PPP3R1: variants seen among roughly 807,000 people sequenced by gnomAD.
The protein encoded by PPP3R1 is calcineurin subunit B type 1.
In PPP3R1, 5 loss-of-function variants were observed where a neutral mutation model predicts 22.6. The observed-to-expected ratio is 0.22, with a 90% CI of 0.12 to 0.46. PPP3R1 has a LOEUF of 0.46. Among genes scored for constraint, PPP3R1 ranks in the 20% least tolerant of loss-of-function variants. The pLI, the probability that PPP3R1 is intolerant of heterozygous loss-of-function variation, is 0.99. For missense variants in PPP3R1, 61 were observed against 203.2 expected (o/e 0.30, Z 4.25); for synonymous variants, 56 against 65.2 (o/e 0.86, Z 0.68).
At chr2:68,227,961 T>C (rs1669819276) in intron 1 of PPP3R1, among the ~76,000 whole-genome samples, 1 of 152,186 alleles carries the variant, frequency 6.6e-6, no homozygotes, top group Non-Finnish European at 1.5e-5. Context: ...TTTATATTCT[T>C]TTCCTGCATT....
intron 5 of PPP3R1, among the ~76,000 whole-genome samples, chr2:68,184,579 G>A (rs1174125616): frequency 6.6e-6 from 1 of 152,060 alleles, no homozygotes; most frequent in East Asian, 1.9e-4. Context: ...TAAGTACTCT[G>A]AAAATTTTAA....
intron 5 of PPP3R1, among the ~76,000 whole-genome samples, chr2:68,182,808 T>C (rs1674442563): frequency 6.6e-6 from 1 of 152,102 alleles, no homozygotes; most frequent in Non-Finnish European, 1.5e-5. Context: ...TTATGATTAC[T>C]TTTTCTTTCC....
intron 1 of PPP3R1, among the ~76,000 whole-genome samples, chr2:68,229,872 G>GTA (rs1380847926): frequency 6.6e-6 from 1 of 151,748 alleles, no homozygotes; most frequent in African/African-American, 2.4e-5. Context: ...GTGTGTGTGT[G>GTA]TGTATGTATG....
At chr2:68,202,202 T>C (rs1674992748) in intron 2 of PPP3R1, among the ~76,000 whole-genome samples, 1 of 152,220 alleles carries the variant, frequency 6.6e-6, no homozygotes, top group Non-Finnish European at 1.5e-5. Context: ...AAGTTTTATT[T>C]TTGTTACGCA....
chr2:68,199,778 T>C (rs762036320), intron 2 of PPP3R1, among the ~76,000 whole-genome samples: 18 of 152,226 alleles, frequency 1.2e-4, no homozygotes, highest in Non-Finnish European at 2.2e-4. Context: ...GCATTACTGG[T>C]ATAAAAATCC....
intron 2 of PPP3R1, among the ~76,000 whole-genome samples, chr2:68,191,844 TAAAC>T (rs1342860979): frequency 6.6e-6 from 1 of 152,194 alleles, no homozygotes; most frequent in Non-Finnish European, 1.5e-5. Flanking sequence ...ACTGTTCAAA[TAAAC>T]CTTATTTCCC....
intron 1 of PPP3R1, among the ~76,000 whole-genome samples, chr2:68,251,686 A>G (rs893541748): frequency 3.3e-5 from 5 of 152,150 alleles, no homozygotes; most frequent in Non-Finnish European, 7.4e-5. Context: ...TTTGCCACAT[A>G]TTGTTATTTC....
chr2:68,213,667 C>A (rs1669524853), intron 2 of PPP3R1, among the ~76,000 whole-genome samples: 1 of 152,110 alleles, frequency 6.6e-6, no homozygotes, highest in African/African-American at 2.4e-5. Context: ...ATAGGGTTAC[C>A]ACAAACCTTC....
intron 2 of PPP3R1, among the ~76,000 whole-genome samples, chr2:68,209,349 A>C (rs1669418972): frequency 1.1e-5 from 1 of 90,780 alleles, no homozygotes; most frequent in African/African-American, 4.8e-5. Flanking sequence ...ACAGAGCGAG[A>C]CTCTGTCTCA....
chr2:68,181,775 C>T (rs192972466), intron 5 of PPP3R1, among the ~76,000 whole-genome samples: 46 of 152,070 alleles, frequency 3.0e-4, no homozygotes, highest in Admixed American at 6.5e-4. Flanking sequence ...ATCAAATATG[C>T]GTGTCACTCT....
chr2:68,244,473 T>G lies in PPP3R1; in HGVS notation c.3+7652A>C, dbSNP rs1308826461. On this transcript the variant is annotated intron_variant, in intron 1 of 5. Coordinates refer to ENST00000234310, the MANE Select transcript of PPP3R1 (RefSeq NM_000945.4). Reference sequence around the variant, plus strand: ...CTCAAATTATCCTGAGATACTAAGATGATTTAGGCCACCTGCTATGAACTC... The same window carrying G: ...CTCAAATTATCCTGAGATACTAAGAGGATTTAGGCCACCTGCTATGAACTC... 2.6e-5 allele frequency among the ~76,000 whole-genome samples: 4 copies of G among 152,212 alleles called. 1 individual carries two copies. Among genetic ancestry groups the G allele is most frequent in the Admixed American group, 2.6e-4 (4 of 15,284 alleles).
rs909071438 is a variant in PPP3R1, at chr2:68,242,020, TGAATGAA to T, written c.3+10098_3+10104del. Among the ~76,000 whole-genome samples, 11 of 152,218 alleles carry T rather than the reference TGAATGAA, an allele frequency of 7.2e-5. No individual in the cohort carries two copies. In the East Asian group the frequency reaches 1.9e-3, roughly 27 times the overall value. On this transcript the variant is annotated intron_variant, in intron 1 of 5. Coordinates refer to ENST00000234310, the MANE Select transcript of PPP3R1 (RefSeq NM_000945.4). The stretch of plus-strand genomic sequence containing the variant: ...AGTTATTGTGTACTCGTAGATATTG[TGAATGAA>T]GAACTGAATTTACACTTTTACTTAA...
chr2:68,203,049 T>G (rs1468616795), intron 2 of PPP3R1, among the ~76,000 whole-genome samples: 3 of 152,152 alleles, frequency 2.0e-5, no homozygotes, highest in Admixed American at 2.0e-4. Context: ...TGTACTATAC[T>G]TAAGAAAATC....
intron 1 of PPP3R1, among the ~76,000 whole-genome samples, chr2:68,244,242 T>G (rs1404137106): frequency 6.6e-6 from 1 of 152,190 alleles, no homozygotes; most frequent in Non-Finnish European, 1.5e-5. Flanking sequence ...TTAAAACCCC[T>G]GTTTTCTAGA....
intron 2 of PPP3R1, among the ~76,000 whole-genome samples, chr2:68,210,248 C>A (rs1669453115): frequency 6.6e-6 from 1 of 152,170 alleles, no homozygotes; most frequent in Admixed American, 6.5e-5. Context: ...CACAAAAGAT[C>A]TTATTATTTC....
Position 68,252,240 on chromosome 2 carries a change from CGG to C in PPP3R1, c.-115_-114del. ...CCAGCTGCGGCCCTCGGGTCGCCGG[CGG>C]GGAGGGGGCGCGCGTGGGGGAGGGG... is the stretch of plus-strand genomic sequence containing the variant. On this transcript the variant is annotated 5_prime_UTR_variant, in exon 1 of 6. Coordinates refer to ENST00000234310, the MANE Select transcript of PPP3R1 (RefSeq NM_000945.4). 1 of 1,048,856 alleles carries C rather than the reference CGG, an allele frequency of 9.5e-7. No individual in the cohort carries two copies. The highest frequency in any genetic ancestry group is 1.1e-6 in the Non-Finnish European group (1 of 870,942). The allele number at this position is 1,048,856 out of a possible 1,614,324, so 65.0% of individuals were successfully genotyped here.
chr2:68,222,143 T>C (rs2103778654), intron 1 of PPP3R1, among the ~76,000 whole-genome samples: 1 of 152,158 alleles, frequency 6.6e-6, no homozygotes, highest in East Asian at 1.9e-4. Context: ...TAACATGTTG[T>C]GGGGTATATA....
At chr2:68,250,546 G>A (rs1362259420) in intron 1 of PPP3R1, among the ~76,000 whole-genome samples, 2 of 152,204 alleles carry the variant, frequency 1.3e-5, no homozygotes, top group African/African-American at 2.4e-5. Flanking sequence ...TGTGCATAAG[G>A]AAATTCTATT....
At chr2:68,189,146 A>G (rs913787126) in intron 2 of PPP3R1, among the ~76,000 whole-genome samples, 2 of 152,178 alleles carry the variant, frequency 1.3e-5, no homozygotes, top group Non-Finnish European at 2.9e-5. Context: ...AATTTACTTT[A>G]TTTCTAATAG....
Sources: allele counts gnomAD v4.1 joint callset (sites outside exome capture counted in the v4.1 genomes callset), GRCh38; gene constraint gnomAD v4.1.1; transcripts MANE v1.5; gene names NCBI Gene and HGNC (gene_info 2026-07-23, HGNC 2026-07-21).